PHACTR2: variants seen among roughly 807,000 people sequenced by gnomAD.
The protein encoded by PHACTR2 is phosphatase and actin regulator 2.
In PHACTR2, 30 loss-of-function variants were observed where a neutral mutation model predicts 76.0. The ratio of observed to expected loss-of-function variants is 0.39; its 90% CI spans 0.30 to 0.54. PHACTR2 has a LOEUF of 0.54. PHACTR2 is among the 20% of genes least tolerant of loss of function. PHACTR2 has a pLI of 0.61. For synonymous variants in PHACTR2, 292 were observed against 292.5 expected, an observed-to-expected ratio of 1.00 and a Z score of 0.02; for missense variants, 696 against 781.1, an observed-to-expected ratio of 0.89 and a Z score of 1.30.
rs913697138 is a variant in PHACTR2 at position 143,581,764 on chromosome 6, C to T, written c.217+44557C>T. 1.3e-5 allele frequency among the ~76,000 whole-genome samples: 2 copies of T among 151,878 alleles called. No homozygotes were observed. Among genetic ancestry groups the T allele is most frequent in the Non-Finnish European group, 2.9e-5 (2 of 67,980 alleles). ...GAGGATCACCTGAGCCTGGGAAAGT[C>T]GAGGCTGCAGTGAGCCATGATCACG... On this transcript the variant is annotated intron_variant, in intron 1 of 11. Coordinates refer to the PHACTR2 transcript ENST00000367584. The surrounding 1 kb of genome is among the most constrained non-coding windows in gnomAD (Gnocchi z 4.5).
In PHACTR2 at chr6:143,704,796, A is replaced by G. The variant is rs1467551125; in HGVS notation, c.47-7220A>G. The stretch of plus-strand genomic sequence containing the variant: ...CTTCTCTGGTCTGACAGTTTCTCAG[A>G]CCTTCCTTGTTTTGAATGACCTTGG... On this transcript the variant is annotated intron_variant, in intron 1 of 12. Transcript: ENST00000440869. Among the ~76,000 whole-genome samples, 16 of 152,032 alleles carry G rather than the reference A, an allele frequency of 1.1e-4. No individual in the cohort carries two copies. In the East Asian group the frequency reaches 2.3e-3, roughly 22 times the overall value.
chr6:143,636,907 T>C (rs529821495), intron 1 of PHACTR2, among the ~76,000 whole-genome samples: 2 of 152,356 alleles, frequency 1.3e-5, no homozygotes, highest in South Asian at 4.1e-4. Flanking sequence ...TGTAGATGAA[T>C]ATAATTCTAG....
At chr6:143,667,058 A>C (rs1020652506) in intron 1 of PHACTR2, among the ~76,000 whole-genome samples, 2 of 139,354 alleles carry the variant, frequency 1.4e-5, no homozygotes, top group African/African-American at 5.0e-5. Context: ...TTTTGTATGA[A>C]GTGTAAGGAA....
rs180873886 is a variant in PHACTR2, at chr6:143,636,370, G to A, written c.13+28048G>A. On this transcript the variant is annotated intron_variant, in intron 1 of 11. Coordinates refer to the PHACTR2 transcript ENST00000305766. Reference sequence around the variant, plus strand: ...CCCCATTTATTTTCTTTGCCAATGCGCTTCTACACATCATTCATTAATTTT... The same window carrying A: ...CCCCATTTATTTTCTTTGCCAATGCACTTCTACACATCATTCATTAATTTT... Among the ~76,000 whole-genome samples, 4 of 152,110 alleles carry A rather than the reference G, an allele frequency of 2.6e-5. No homozygotes were observed. The East Asian group carries it at 5.8e-4, about 22-fold the overall frequency.
chr6:143,804,592 T>C (rs560577584), intron 11 of PHACTR2, among the ~76,000 whole-genome samples: 1 of 152,218 alleles, frequency 6.6e-6, no homozygotes, highest in Non-Finnish European at 1.5e-5. Context: ...TATATGGTCA[T>C]CAGTGAATTA....
intron 1 of PHACTR2, among the ~76,000 whole-genome samples, chr6:143,666,598 T>C (rs960364777): frequency 3.0e-4 from 45 of 152,372 alleles, no homozygotes; most frequent in African/African-American, 9.4e-4. Flanking sequence ...TTTCTCATTG[T>C]GGTTTTGATT....
intron 11 of PHACTR2, among the ~76,000 whole-genome samples, chr6:143,802,251 C>G (rs1775974517): frequency 6.6e-6 from 1 of 152,072 alleles, no homozygotes; most frequent in African/African-American, 2.4e-5. Context: ...AGTTTTGGCT[C>G]AATGGCTTCC....
At chr6:143,685,048 A>AT (rs1259105218) in intron 1 of PHACTR2, among the ~76,000 whole-genome samples, 1 of 151,944 alleles carries the variant, frequency 6.6e-6, no homozygotes, top group Non-Finnish European at 1.5e-5. Flanking sequence ...AACATTAAAA[A>AT]TTTTTTTCTT....
Position 143,825,565 on chromosome 6 carries a change from G to A in PHACTR2, c.*1876G>A, listed in dbSNP as rs1278212869. 2 of 151,762 alleles carry A rather than the reference G, an allele frequency of 1.3e-5. No homozygotes were observed. Among genetic ancestry groups the A allele is most frequent in the African/African-American group, 4.8e-5 (2 of 41,326 alleles). 9.4% of individuals were successfully genotyped at this position (151,762 alleles called of 1,614,324 possible). A position where few individuals can be genotyped will look rare whatever the true frequency, so the allele number is the denominator to read the frequency against. On this transcript the variant is annotated 3_prime_UTR_variant, in exon 13 of 13. Coordinates refer to ENST00000440869, the MANE Select transcript of PHACTR2 (RefSeq NM_001100164.2). The surrounding 1 kb of genome is among the most constrained non-coding windows in gnomAD (Gnocchi z 4.1). ...TGCCCAGGTGTCTGTCTCTGGCTGA[G>A]GTTTTGTCTATTTTACAGTGTTTCA...
rs888124776 is a variant in PHACTR2, at chr6:143,745,773, G to T, written c.215-3212G>T. On this transcript the variant is annotated intron_variant, in intron 2 of 12. Transcript: ENST00000440869. ...GGTATCCGCATTGTGTGTTAAATAC[G>T]CTCTCAGCGAAAGACCAAACAAATA... 2.0e-5 allele frequency among the ~76,000 whole-genome samples: 3 copies of T among 152,190 alleles called. No homozygotes were observed. The East Asian group carries it at 5.8e-4, about 29-fold the overall frequency.
chr6:143,719,345 A>G (rs904009885), intron 2 of PHACTR2, among the ~76,000 whole-genome samples: 9 of 132,388 alleles, frequency 6.8e-5, no homozygotes, highest in Non-Finnish European at 1.1e-4. Flanking sequence ...TGTGTTCGAC[A>G]CTTCTTTTTT....
rs915945486 is a variant in PHACTR2 at position 143,671,696 on chromosome 6, TAATA to T, written c.14-40315_14-40312del. Among the ~76,000 whole-genome samples the T allele has an allele frequency of 1.1e-4, 17 of 152,228 alleles. No homozygotes were observed. The highest frequency in any genetic ancestry group is 3.9e-4 in the African/African-American group (16 of 41,462). On this transcript the variant is annotated intron_variant, in intron 1 of 11. Transcript: ENST00000305766. This position sits in a 1 kb window ranked among gnomAD's most constrained non-coding sequence, Gnocchi z 4.6. ...CAAAGACTGGTAAAAAGGAGATGCA[TAATA>T]AATATTTGTTGAGTGGTGAACCAAT...
chr6:143,815,310 A>G (rs1776274346), intron 12 of PHACTR2, among the ~76,000 whole-genome samples: 1 of 152,128 alleles, frequency 6.6e-6, no homozygotes, highest in Non-Finnish European at 1.5e-5. Context: ...TGTTTAACAT[A>G]AGTATATGTA....
intron 1 of PHACTR2, among the ~76,000 whole-genome samples, chr6:143,702,026 C>G (rs375858512): frequency 2.0e-5 from 3 of 152,036 alleles, no homozygotes; most frequent in South Asian, 4.2e-4. Flanking sequence ...TAGGCTCCAA[C>G]TCTCTTCTTG....
chr6:143,820,592 C>G lies in PHACTR2; in HGVS notation c.1923-3082C>G, dbSNP rs1477366531. Among the ~76,000 whole-genome samples, 1 of 152,202 alleles carries G rather than the reference C, an allele frequency of 6.6e-6. No individual in the cohort carries two copies. Among genetic ancestry groups the G allele is most frequent in the East Asian group, 1.9e-4 (1 of 5,194 alleles). On this transcript the variant is annotated intron_variant, in intron 12 of 12. Coordinates refer to ENST00000440869, the MANE Select transcript of PHACTR2 (RefSeq NM_001100164.2). This position sits in a 1 kb window ranked among gnomAD's most constrained non-coding sequence, Gnocchi z 4.2. ...TCTGGTGTAAGTGGGCAGCTCTACC[C>G]CTGTGGATTTGCAAGGTGCAGCCCC...
chr6:143,593,834 C>T (rs906611693), intron 1 of PHACTR2, among the ~76,000 whole-genome samples: 4 of 152,208 alleles, frequency 2.6e-5, no homozygotes, highest in Non-Finnish European at 5.9e-5. Context: ...ACTTCAAAAA[C>T]ACAAACGTGA....
rs1339139474 is a variant in PHACTR2, at chr6:143,672,491, A to G, written c.14-39525A>G. ...CAAAAAACAAACAAAAAAAGCTGCA[A>G]GCAATAAACAAACAAATACAGTTAA... On this transcript the variant is annotated intron_variant, in intron 1 of 11. Transcript: ENST00000305766. This position sits in a 1 kb window ranked among gnomAD's most constrained non-coding sequence, Gnocchi z 5.8. Among the ~76,000 whole-genome samples the G allele has an allele frequency of 2.0e-5, 3 of 152,106 alleles. No homozygotes were observed. Among genetic ancestry groups the G allele is most frequent in the Non-Finnish European group, 4.4e-5 (3 of 68,004 alleles).
intron 1 of PHACTR2, among the ~76,000 whole-genome samples, chr6:143,701,623 T>C (rs1279430328): frequency 1.3e-5 from 2 of 152,206 alleles, no homozygotes; most frequent in African/African-American, 4.8e-5. Flanking sequence ...GTACAGGGAA[T>C]ACTTGGGAGG....
chr6:143,563,551 C>CA (rs76587878), intron 1 of PHACTR2, among the ~76,000 whole-genome samples: 708 of 29,894 alleles, frequency 0.024, 4 homozygotes, highest in Non-Finnish European at 0.049. Context: ...AACTCCGTCT[C>CA]AAAAAAAAAA....
Sources: allele counts gnomAD v4.1 joint callset (sites outside exome capture counted in the v4.1 genomes callset), GRCh38; gene constraint gnomAD v4.1.1; non-coding constraint Gnocchi (gnomAD v3.1); transcripts MANE v1.5; gene names NCBI Gene and HGNC (gene_info 2026-07-23, HGNC 2026-07-21).